AQR: variants seen among roughly 807,000 people sequenced by gnomAD.
The protein encoded by AQR is RNA helicase aquarius.
In AQR, 61 loss-of-function variants were observed where a neutral mutation model predicts 180.5. The observed-to-expected ratio is 0.34, with a 90% CI of 0.28 to 0.42. The LOEUF is 0.42. Among genes scored for constraint, AQR ranks in the 10% least tolerant of loss-of-function variants. AQR has a pLI of 1.00. For synonymous variants in AQR, 551 were observed against 588.8 expected (o/e 0.94, Z 0.93); for missense variants, 1,281 against 1,798.3 (o/e 0.71, Z 5.20).
intron 32 of AQR, 64 bp downstream of exon 32, chr15:34,867,460 G>T: frequency 7.2e-7 from 1 of 1,391,660 alleles, no homozygotes; most frequent in South Asian, 1.2e-5. Context: ...CTTAGCCACA[G>T]AATTTCAAAA....
intron 13 of AQR, among the ~76,000 whole-genome samples, chr15:34,925,926 T>C (rs1277826763): frequency 6.6e-6 from 1 of 152,028 alleles, no homozygotes; most frequent in Non-Finnish European, 1.5e-5. Flanking sequence ...CCCGGCACTT[T>C]GAGAGGCTGA....
intron 27 of AQR, among the ~76,000 whole-genome samples, chr15:34,880,868 G>A (rs1215936500): frequency 6.6e-6 from 1 of 152,176 alleles, no homozygotes; most frequent in Non-Finnish European, 1.5e-5. Flanking sequence ...TGGATAAATG[G>A]GACGGATGAG....
At chr15:34,908,253 T>C (rs1484682566) in intron 17 of AQR, among the ~76,000 whole-genome samples, 2 of 152,110 alleles carry the variant, frequency 1.3e-5, no homozygotes, top group South Asian at 2.1e-4. Flanking sequence ...CTGGCCAAGA[T>C]GGTGAAACCC....
At chr15:34,951,335 A>C (rs1372158924) in intron 4 of AQR, among the ~76,000 whole-genome samples, 1 of 152,176 alleles carries the variant, frequency 6.6e-6, no homozygotes, top group Non-Finnish European at 1.5e-5. Context: ...AAAATTAAAT[A>C]AGAGTTCCTG....
At chr15:34,964,507 G>A in intron 1 of AQR, 1 of 649,620 alleles carries the variant, frequency 1.5e-6, no homozygotes, top group Admixed American at 2.1e-5. Context: ...ACATGCCATT[G>A]TGATATAAAC....
intron 26 of AQR, among the ~76,000 whole-genome samples, chr15:34,884,025 T>A (rs1256577723): frequency 1.3e-5 from 2 of 152,166 alleles, no homozygotes; most frequent in South Asian, 4.1e-4. Context: ...AGCATTCCTT[T>A]CTCAAAAATA....
chr15:34,895,159 C>CAAAA (rs397853998), intron 22 of AQR, among the ~76,000 whole-genome samples: 3 of 2,454 alleles, frequency 1.2e-3, no homozygotes, highest in Non-Finnish European at 1.4e-3. Context: ...AAGACTGTCT[C>CAAAA]AAAAAAAAAA....
intron 2 of AQR, among the ~76,000 whole-genome samples, chr15:34,961,813 AAC>A (rs2050281324): frequency 1.3e-5 from 2 of 152,088 alleles, no homozygotes; most frequent in Non-Finnish European, 2.9e-5. Flanking sequence ...CAGATCTAAT[AAC>A]ACAAACTACC....
chr15:34,961,412 C>T (rs1027306604), intron 2 of AQR, among the ~76,000 whole-genome samples: 2 of 151,888 alleles, frequency 1.3e-5, no homozygotes, highest in African/African-American at 4.8e-5. Context: ...GAGATCAAGA[C>T]CATCCTGGCC....
Position 34,926,569 on chromosome 15 carries a change from G to A in AQR, c.1118+466C>T, listed in dbSNP as rs149427376. On this transcript the variant is annotated intron_variant, in intron 13 of 34. Coordinates refer to ENST00000156471, the MANE Select transcript of AQR (RefSeq NM_014691.3). ...GAGTTGTTTACACACTTAACAGAACGTCTATCACATAGTAAATAAATGTAT... is the reference window on the plus strand; with the variant it reads ...GAGTTGTTTACACACTTAACAGAACATCTATCACATAGTAAATAAATGTAT... Among the ~76,000 whole-genome samples, 19 of 152,262 alleles carry A rather than the reference G, an allele frequency of 1.2e-4. No individual in the cohort carries two copies. The East Asian group carries it at 3.5e-3, about 28-fold the overall frequency.
At chr15:34,932,244 C>G in intron 11 of AQR, 74 bp downstream of exon 11, 3 of 1,272,886 alleles carry the variant, frequency 2.4e-6, no homozygotes, top group Non-Finnish European at 3.4e-6. Flanking sequence ...CCCTGATACT[C>G]CCAGTTGTGT....
chr15:34,932,204 A>C, intron 11 of AQR, 114 bp downstream of exon 11: 5 of 803,768 alleles, frequency 6.2e-6, no homozygotes, highest in Non-Finnish European at 1.0e-5. Context: ...TTAAGACATG[A>C]CTTTAAAATA....
chr15:34,921,618 A>G (rs893825288), intron 13 of AQR, among the ~76,000 whole-genome samples: 1 of 152,126 alleles, frequency 6.6e-6, no homozygotes, highest in African/African-American at 2.4e-5. Flanking sequence ...AATTTTGGAA[A>G]ACTGGTATTT....
At chr15:34,947,646 TTTC>T (rs1265937097) in intron 5 of AQR, among the ~76,000 whole-genome samples, 1 of 152,092 alleles carries the variant, frequency 6.6e-6, no homozygotes, top group Non-Finnish European at 1.5e-5. Context: ...TGTGCTTTTT[TTTC>T]TTCTTCTTAG....
chr15:34,938,516 G>C (rs960071613), intron 9 of AQR, among the ~76,000 whole-genome samples: 1 of 152,128 alleles, frequency 6.6e-6, no homozygotes, highest in Non-Finnish European at 1.5e-5. Flanking sequence ...CTGGGTGACA[G>C]AGCAACACTC....
At position 34,959,273 on chromosome 15, in the gene AQR, C is replaced by T. The variant is rs564400823; in HGVS notation, c.173+1501G>A. 3.9e-5 allele frequency among the ~76,000 whole-genome samples: 6 copies of T among 152,278 alleles called. 1 individual carries two copies. The South Asian group carries it at 1.0e-3, about 26-fold the overall frequency. On this transcript the variant is annotated intron_variant, in intron 3 of 34. Coordinates refer to ENST00000156471, the MANE Select transcript of AQR (RefSeq NM_014691.3). ...AACCTCCTGGGCTCAGGTGATCCTCCCACTTCATCCTCTTGAGTAACTGGG... is the reference window on the plus strand; with the variant it reads ...AACCTCCTGGGCTCAGGTGATCCTCTCACTTCATCCTCTTGAGTAACTGGG...
At chr15:34,858,320 C>CAAAAAAAAAAAAAAA (rs57627687) in intron 34 of AQR, among the ~76,000 whole-genome samples, 6 of 86,090 alleles carry the variant, frequency 7.0e-5, no homozygotes, top group African/African-American at 1.4e-4. Context: ...ACGACAGCAG[C>CAAAAAAAAAAAAAAA]AAAAAAAAAA....
chr15:34,876,352 T>G (rs936552844), intron 27 of AQR, among the ~76,000 whole-genome samples: 1 of 152,160 alleles, frequency 6.6e-6, no homozygotes, highest in African/African-American at 2.4e-5. Context: ...CAATTTATAA[T>G]TATATATGAA....
chr15:34,916,442 CAA>C (rs10711258), intron 15 of AQR, among the ~76,000 whole-genome samples: 2,779 of 149,710 alleles, frequency 0.019, 77 homozygotes, highest in African/African-American at 0.059. Flanking sequence ...TCCATACTAC[CAA>C]AAAAAAAAAT....
Sources: gnomAD v4.1 joint callset for allele counts (sites outside exome capture counted in the v4.1 genomes callset) on GRCh38, gnomAD v4.1.1 for gene constraint, MANE v1.5 for transcripts, NCBI Gene and HGNC (gene_info 2026-07-23, HGNC 2026-07-21) for gene names.